C9: variants seen among roughly 807,000 people sequenced by gnomAD.
C9 encodes the protein complement component C9.
A neutral mutation model predicts 65.4 loss-of-function variants in C9; 63 were observed. That is an observed-to-expected ratio of 0.96 (90% CI 0.79 to 1.19). The LOEUF (loss-of-function observed/expected upper bound fraction) is 1.19, where lower values mean the gene tolerates loss of function less well. Ranked by LOEUF, C9 falls within the 50% of genes most tolerant of loss-of-function variation. The pLI is 0.00. For missense variants in C9, 744 were observed against 670.1 expected (o/e 1.11, Z -1.22); for synonymous variants, 229 against 227.9 (o/e 1.00, Z -0.04).
At chr5:39,318,557 CTTT>C (rs5867455) in intron 5 of C9, among the ~76,000 whole-genome samples, 2 of 143,108 alleles carry the variant, frequency 1.4e-5, no homozygotes, top group African/African-American at 5.1e-5. Flanking sequence ...TCAATTAGAA[CTTT>C]TTTTTTTTTT....
intron 5 of C9, among the ~76,000 whole-genome samples, chr5:39,321,891 A>G (rs1265729858): frequency 2.0e-5 from 3 of 152,094 alleles, no homozygotes; most frequent in Non-Finnish European, 4.4e-5. Context: ...GACAAACTGC[A>G]ATAAAATAGT....
chr5:39,340,287 C>T (rs908592209), intron 4 of C9, among the ~76,000 whole-genome samples: 34 of 152,062 alleles, frequency 2.2e-4, no homozygotes, highest in African/African-American at 8.2e-4. Context: ...AGCCATATAC[C>T]ATCTCTTTCA....
intron 9 of C9, among the ~76,000 whole-genome samples, chr5:39,300,835 C>T (rs192342840): frequency 1.4e-4 from 22 of 152,222 alleles, no homozygotes; most frequent in African/African-American, 5.1e-4. Context: ...GACAGTTTAA[C>T]TTCTTCCTTG....
At chr5:39,296,407 T>C (rs1340474784) in intron 9 of C9, among the ~76,000 whole-genome samples, 1 of 151,402 alleles carries the variant, frequency 6.6e-6, no homozygotes, top group South Asian at 2.1e-4. Flanking sequence ...GGCCAAAAAG[T>C]ATATTTAAAA....
chr5:39,304,861 A>G (rs572779715), intron 9 of C9, among the ~76,000 whole-genome samples: 3 of 152,342 alleles, frequency 2.0e-5, no homozygotes, highest in African/African-American at 7.2e-5. Flanking sequence ...AACAAAGTTG[A>G]TGAGGGTCTT....
At chr5:39,329,590 C>A (rs1220567746) in intron 5 of C9, among the ~76,000 whole-genome samples, 1 of 152,084 alleles carries the variant, frequency 6.6e-6, no homozygotes, top group Admixed American at 6.5e-5. Flanking sequence ...AATAAGATGT[C>A]ATTATTTAGG....
chr5:39,350,813 A>G (rs2111974056), intron 1 of C9, among the ~76,000 whole-genome samples: 1 of 152,240 alleles, frequency 6.6e-6, no homozygotes, highest in African/African-American at 2.4e-5. Flanking sequence ...CCAGGTACAC[A>G]GGGCAAGTTG....
chr5:39,332,639 G>C (rs1753865311), intron 4 of C9, among the ~76,000 whole-genome samples: 1 of 152,200 alleles, frequency 6.6e-6, no homozygotes, highest in South Asian at 2.1e-4. Context: ...CCCAAGCCAG[G>C]GAGGCCAATA....
chr5:39,289,732 A>G (rs955191664), intron 9 of C9, among the ~76,000 whole-genome samples: 1 of 151,888 alleles, frequency 6.6e-6, no homozygotes, highest in East Asian at 1.9e-4. Flanking sequence ...TTTGACTTCT[A>G]GTGAACATGT....
At position 39,311,327 on chromosome 5, in the gene C9, T is replaced by C; in HGVS notation, c.921A>G (p.Val307=). 6.2e-7 allele frequency: 1 copy of C among 1,612,746 alleles called. No homozygotes were observed. Among genetic ancestry groups the C allele is most frequent in the Non-Finnish European group, 8.5e-7 (1 of 1,178,856 alleles). Residue 307 remains valine, a synonymous_variant, in exon 7 of 11, where the codon GTA becomes GTG. Coordinates refer to ENST00000263408, the MANE Select transcript of C9 (RefSeq NM_001737.5). ...TGAGCACAACATCGCGATTTCTCAT[T>C]ACAAATCTTCCCAGATGAATTTCTC... ...VKGEIHLGRF[V]MRNRDVVLTT...
At chr5:39,286,700 T>C (rs552069063) in intron 10 of C9, among the ~76,000 whole-genome samples, 2 of 142,414 alleles carry the variant, frequency 1.4e-5, no homozygotes, top group Non-Finnish European at 3.2e-5. Context: ...CCAAGTAGTA[T>C]ACATTTTTGG....
At chr5:39,358,026 C>G (rs1754442003) in intron 1 of C9, among the ~76,000 whole-genome samples, 1 of 152,130 alleles carries the variant, frequency 6.6e-6, no homozygotes, top group South Asian at 2.1e-4. Context: ...CTGATTGAGT[C>G]TTCCCAGCCC....
chr5:39,318,008 T>C (rs575230635), intron 5 of C9, among the ~76,000 whole-genome samples: 1 of 152,328 alleles, frequency 6.6e-6, no homozygotes, highest in African/African-American at 2.4e-5. Context: ...TTTGCTTATG[T>C]CCTCTCTGAT....
At chr5:39,285,866 T>C (rs573136226) in intron 10 of C9, among the ~76,000 whole-genome samples, 36 of 152,064 alleles carry the variant, frequency 2.4e-4, no homozygotes, top group African/African-American at 8.2e-4. Context: ...GTAAATGGTA[T>C]AGAAAAAGAA....
intron 5 of C9, among the ~76,000 whole-genome samples, chr5:39,328,059 G>A (rs1381020994): frequency 1.3e-5 from 2 of 152,174 alleles, no homozygotes; most frequent in East Asian, 1.9e-4. Context: ...GAAGGCCAGA[G>A]TGGAAGGAAA....
In C9 at chr5:39,311,361, T is replaced by C. The variant is rs752982960; in HGVS notation, c.887A>G (p.His296Arg). The change falls in exon 7 of 11, where the codon CAT becomes CGT. Residue 296 changes from histidine to arginine, a missense_variant. Coordinates refer to ENST00000263408, the MANE Select transcript of C9 (RefSeq NM_001737.5). ...YSSKKEKMFL[H>R]VKGEIHLGRF... ...TCCCAGATGAATTTCTCCTTTCACATGCAGAAACATTTTTTCCTGTGTTGT... is the reference window on the plus strand; with the variant it reads ...TCCCAGATGAATTTCTCCTTTCACACGCAGAAACATTTTTTCCTGTGTTGT... The C allele has an allele frequency of 1.2e-6, 2 of 1,612,102 alleles. No homozygotes were observed. Among genetic ancestry groups the C allele is most frequent in the African/African-American group, 1.3e-5 (1 of 74,886 alleles).
chr5:39,354,716 T>C lies in C9; in HGVS notation c.77+9672A>G, dbSNP rs541172239. 1.4e-3 allele frequency among the ~76,000 whole-genome samples: 210 copies of C among 152,344 alleles called. 10 individuals are homozygous for C. In the South Asian group the frequency reaches 0.041, roughly 30 times the overall value. ...TAGCTAGAATGTAAACTCTAGCTAG[T>C]TAGTTTGAGGATCATGGTTTTTGTT... On this transcript the variant is annotated intron_variant, in intron 1 of 10. Coordinates refer to ENST00000263408, the MANE Select transcript of C9 (RefSeq NM_001737.5).
In C9 at chr5:39,294,235, T is replaced by G. The variant is rs572053378; in HGVS notation, c.1417-5284A>C. Reference sequence around the variant, plus strand: ...GAGCAGAAATAAACGAAATTGAGACTGAAAACATATACAAAGGATTAATGA... The same window carrying G: ...GAGCAGAAATAAACGAAATTGAGACGGAAAACATATACAAAGGATTAATGA... On this transcript the variant is annotated intron_variant, in intron 9 of 10. Coordinates refer to ENST00000263408, the MANE Select transcript of C9 (RefSeq NM_001737.5). Among the ~76,000 whole-genome samples, 9 of 151,606 alleles carry G rather than the reference T, an allele frequency of 5.9e-5. No individual in the cohort carries two copies. The South Asian group carries it at 1.9e-3, about 31-fold the overall frequency.
chr5:39,329,502 C>A (rs888950660), intron 5 of C9, among the ~76,000 whole-genome samples: 1 of 152,096 alleles, frequency 6.6e-6, no homozygotes, highest in Non-Finnish European at 1.5e-5. Flanking sequence ...GGTGGGATTT[C>A]AACCTAAGCA....
Sources: allele counts gnomAD v4.1 joint callset (sites outside exome capture counted in the v4.1 genomes callset), GRCh38; gene constraint gnomAD v4.1.1; transcripts MANE v1.5; gene names NCBI Gene and HGNC (gene_info 2026-07-23, HGNC 2026-07-21).